Variants in GRIN2B observed in about 807,000 individuals in gnomAD.
The protein encoded by GRIN2B is glutamate receptor ionotropic, NMDA 2B.
GRIN2B carries 5 observed loss-of-function variants against 114.5 expected under a neutral mutation model. That is an observed-to-expected ratio of 0.04 (90% CI 0.02 to 0.09). The LOEUF is 0.09. Ranked by LOEUF, GRIN2B falls within the 10% of genes least tolerant of loss-of-function variation. The pLI is 1.00. For synonymous variants in GRIN2B, 787 were observed against 745.1 expected, an observed-to-expected ratio of 1.06 and a Z score of -0.92; for missense variants, 1,108 against 1,943.5, an observed-to-expected ratio of 0.57 and a Z score of 8.08.
chr12:13,579,601 A>G (rs1181425473), intron 10 of GRIN2B, among the ~76,000 whole-genome samples: 1 of 152,194 alleles, frequency 6.6e-6, no homozygotes, highest in East Asian at 1.9e-4. Flanking sequence ...CATCTTCATC[A>G]TCGCCATTGG....
intron 5 of GRIN2B, among the ~76,000 whole-genome samples, chr12:13,631,751 A>G (rs1282712197): frequency 2.6e-5 from 4 of 152,178 alleles, no homozygotes; most frequent in African/African-American, 9.7e-5. Flanking sequence ...TGGCCTCCTA[A>G]AGGAACCTCC....
intron 5 of GRIN2B, among the ~76,000 whole-genome samples, chr12:13,617,099 G>C (rs11055546): frequency 5.6e-4 from 85 of 152,192 alleles, no homozygotes; most frequent in Non-Finnish European, 1.1e-3. Context: ...ATGATGGTGA[G>C]AGCAGCAGAT....
intron 3 of GRIN2B, among the ~76,000 whole-genome samples, chr12:13,786,600 G>A (rs766879119): frequency 2.6e-5 from 4 of 152,066 alleles, no homozygotes; most frequent in Admixed American, 6.6e-5. Flanking sequence ...ATCAGGGTCC[G>A]GAGGCTAGGG....
chr12:13,858,398 T>G (rs921947740), intron 3 of GRIN2B, among the ~76,000 whole-genome samples: 3 of 152,222 alleles, frequency 2.0e-5, no homozygotes, highest in Non-Finnish European at 2.9e-5. Flanking sequence ...CTCTCCTGCA[T>G]GCTAGACCTT....
intron 2 of GRIN2B, among the ~76,000 whole-genome samples, chr12:13,910,284 C>T (rs932112198): frequency 2.0e-5 from 3 of 152,188 alleles, no homozygotes; most frequent in East Asian, 3.9e-4. Context: ...AGGACACACA[C>T]ATAAACACCC....
chr12:13,914,054 C>T (rs1866669278), intron 2 of GRIN2B, among the ~76,000 whole-genome samples: 1 of 152,066 alleles, frequency 6.6e-6, no homozygotes. Flanking sequence ...ATTAAGCTTA[C>T]CATAGAAGAA....
intron 4 of GRIN2B, among the ~76,000 whole-genome samples, chr12:13,684,814 G>C (rs1950162985): frequency 6.6e-6 from 1 of 152,096 alleles, no homozygotes; most frequent in Non-Finnish European, 1.5e-5. Flanking sequence ...AAAATACCAA[G>C]GCAGATCAAA....
chr12:13,918,896 G>A (rs1032220534), intron 2 of GRIN2B, among the ~76,000 whole-genome samples: 6 of 152,178 alleles, frequency 3.9e-5, no homozygotes, highest in Admixed American at 3.3e-4. Flanking sequence ...CTTTGTCTAG[G>A]ATCCTTCTCA....
chr12:13,808,871 C>A (rs1054134308), intron 3 of GRIN2B, among the ~76,000 whole-genome samples: 15 of 151,662 alleles, frequency 9.9e-5, no homozygotes, highest in African/African-American at 3.6e-4. Flanking sequence ...TAGGAGAAAA[C>A]CAGTCATGAC....
At chr12:13,626,180 G>A (rs1200389429) in intron 5 of GRIN2B, among the ~76,000 whole-genome samples, 1 of 152,130 alleles carries the variant, frequency 6.6e-6, no homozygotes, top group Admixed American at 6.5e-5. Flanking sequence ...ACAAAACTGG[G>A]TCCCAAACCA....
At chr12:13,677,694 G>T (rs1336831799) in intron 4 of GRIN2B, among the ~76,000 whole-genome samples, 2 of 151,978 alleles carry the variant, frequency 1.3e-5, no homozygotes, top group African/African-American at 4.8e-5. Context: ...TGGGCTCAAG[G>T]TAGGCATCTC....
At chr12:13,693,494 C>T (rs560554663) in intron 4 of GRIN2B, among the ~76,000 whole-genome samples, 31 of 152,242 alleles carry the variant, frequency 2.0e-4, no homozygotes, top group African/African-American at 5.3e-4. Flanking sequence ...TATTTTTATG[C>T]CTTCCAGCAG....
intron 10 of GRIN2B, among the ~76,000 whole-genome samples, chr12:13,594,357 A>C (rs1460814354): frequency 2.6e-5 from 4 of 152,206 alleles, no homozygotes. Context: ...AAAAAGGATC[A>C]GTTCATGTCC....
At chr12:13,771,791 C>T (rs371929367) in intron 3 of GRIN2B, among the ~76,000 whole-genome samples, 1 of 152,194 alleles carries the variant, frequency 6.6e-6, no homozygotes, top group African/African-American at 2.4e-5. Flanking sequence ...AAACTGGTTA[C>T]GTTGTTAAAT....
chr12:13,611,998 T>C, intron 8 of GRIN2B, 148 bp from the exon 9 acceptor site: 1 of 765,124 alleles, frequency 1.3e-6, no homozygotes, highest in South Asian at 1.5e-5. Context: ...TAGGTTAGAT[T>C]GTACTGAACC....
intron 5 of GRIN2B, among the ~76,000 whole-genome samples, chr12:13,646,792 T>C (rs1369111795): frequency 2.0e-5 from 3 of 152,192 alleles, no homozygotes; most frequent in African/African-American, 7.2e-5. Context: ...GCTCCCAAAG[T>C]GCTGGGATTA....
chr12:13,910,947 C>T (rs1591616605), intron 2 of GRIN2B, among the ~76,000 whole-genome samples: 1 of 152,130 alleles, frequency 6.6e-6, no homozygotes, highest in East Asian at 1.9e-4. Flanking sequence ...TCTGGAATAT[C>T]CTTTCCTTCT....
intron 2 of GRIN2B, among the ~76,000 whole-genome samples, chr12:13,924,334 G>C (rs1591624087): frequency 6.6e-6 from 1 of 152,184 alleles, no homozygotes; most frequent in Non-Finnish European, 1.5e-5. Context: ...AGAGTCTAAG[G>C]GAACCAACAA....
intron 2 of GRIN2B, among the ~76,000 whole-genome samples, chr12:13,958,344 C>A (rs1443707583): frequency 6.6e-6 from 1 of 152,138 alleles, no homozygotes; most frequent in Non-Finnish European, 1.5e-5. Context: ...GTCCAAACGC[C>A]AGCACAGTCC....
Sources: gnomAD v4.1 joint callset for allele counts (sites outside exome capture counted in the v4.1 genomes callset) on GRCh38, gnomAD v4.1.1 for gene constraint, MANE v1.5 for transcripts, NCBI Gene and HGNC (gene_info 2026-07-23, HGNC 2026-07-21) for gene names.